Variants in SASH1 observed in about 807,000 individuals in gnomAD.
SASH1 encodes the protein SAM and SH3 domain containing 1.
SASH1 carries 44 observed loss-of-function variants against 125.2 expected under a neutral mutation model. The observed-to-expected ratio is 0.35, with a 90% confidence interval of 0.28 to 0.45. SASH1 has a LOEUF of 0.45. SASH1 is among the 20% of genes least tolerant of loss of function. The probability of loss-of-function intolerance (pLI) is 1.00; values close to 1 mark genes in which losing one functional copy is unlikely to be tolerated. For synonymous variants in SASH1, 639 were observed against 649.1 expected (o/e 0.98, Z 0.24); for missense variants, 1,426 against 1,614.5 (o/e 0.88, Z 2.00).
intron 1 of SASH1, among the ~76,000 whole-genome samples, chr6:148,305,441 G>A (rs987000390): frequency 2.6e-5 from 4 of 152,026 alleles, no homozygotes; most frequent in Non-Finnish European, 5.9e-5. Flanking sequence ...TGGTCAATAC[G>A]GTGAAACCCC....
chr6:148,471,393 T>C lies in SASH1; in HGVS notation c.428-24T>C, dbSNP rs1778106589. ...TTGCTTGTGCTTTTTGTTCTTTTTTTTTTTTTTTTTTTTTTTTTTTAAGGA... is the reference window on the plus strand; with the variant it reads ...TTGCTTGTGCTTTTTGTTCTTTTTTCTTTTTTTTTTTTTTTTTTTTAAGGA... On this transcript the variant is annotated intron_variant, in intron 5 of 19. Coordinates refer to ENST00000367467, the MANE Select transcript of SASH1 (RefSeq NM_015278.5). The C allele has an allele frequency of 5.3e-6, 6 of 1,125,084 alleles. No homozygotes were observed. The East Asian group carries it at 8.4e-5, about 16-fold the overall frequency. The allele number at this position is 1,125,084 out of a possible 1,614,324, so 69.7% of individuals were successfully genotyped here.
chr6:148,526,677 A>G (rs1384305460), intron 11 of SASH1, among the ~76,000 whole-genome samples: 2 of 152,144 alleles, frequency 1.3e-5, no homozygotes, highest in Admixed American at 6.6e-5. Flanking sequence ...GATGACCACA[A>G]TCTAGCTCTT....
At chr6:148,437,256 T>C (rs1193603686) in intron 2 of SASH1, among the ~76,000 whole-genome samples, 1 of 152,246 alleles carries the variant, frequency 6.6e-6, no homozygotes, top group Non-Finnish European at 1.5e-5. Flanking sequence ...TGGATGACTT[T>C]ACAAGCTTCT....
At chr6:148,333,242 A>T (rs1781045006) in intron 1 of SASH1, among the ~76,000 whole-genome samples, 3 of 151,590 alleles carry the variant, frequency 2.0e-5, no homozygotes, top group African/African-American at 7.3e-5. Context: ...GTCTACAAAA[A>T]ATAATAATAA....
At chr6:148,393,981 C>T (rs1045480262) in intron 2 of SASH1, among the ~76,000 whole-genome samples, 4 of 150,384 alleles carry the variant, frequency 2.7e-5, no homozygotes, top group Non-Finnish European at 5.9e-5. Context: ...CAACCTCTGC[C>T]TCCTGGGTTT....
intron 7 of SASH1, among the ~76,000 whole-genome samples, chr6:148,476,494 C>A (rs1778352354): frequency 6.6e-6 from 1 of 152,200 alleles, no homozygotes; most frequent in South Asian, 2.1e-4. Flanking sequence ...CCAACCTGGC[C>A]AACATGGTGA....
chr6:148,208,300 G>A, the SASH1 span, among the ~76,000 whole-genome samples: 860 of 152,258 alleles, frequency 5.6e-3, 9 homozygotes, highest in African/African-American at 0.019. Context: ...AGGACTATTC[G>A]GAAAACATTC....
chr6:148,469,117 TTGGGTCACAGGGTGGG>T (rs1264113292), intron 5 of SASH1: 1 of 152,328 alleles, frequency 6.6e-6, no homozygotes, highest in Admixed American at 6.5e-5. Context: ...GCTATTTTGT[TTGGGTCACAGGGTGGG>T]TGGCTGATAG....
the SASH1 span, among the ~76,000 whole-genome samples, chr6:148,239,555 T>C: frequency 6.6e-6 from 1 of 152,202 alleles, no homozygotes; most frequent in African/African-American, 2.4e-5. Context: ...ACCAGACATG[T>C]TGAATTCTAC....
intron 1 of SASH1, among the ~76,000 whole-genome samples, chr6:148,387,582 T>C (rs199566856): frequency 8.0e-4 from 5 of 6,268 alleles, no homozygotes; most frequent in Non-Finnish European, 1.4e-3. Context: ...CTTTCTTTCT[T>C]TCTTTCTTTC....
chr6:148,488,889 G>A (rs912046268), intron 8 of SASH1, among the ~76,000 whole-genome samples: 4 of 152,160 alleles, frequency 2.6e-5, no homozygotes, highest in African/African-American at 9.7e-5. Flanking sequence ...TATCAGATAT[G>A]TGATTTGTAA....
At chr6:148,276,059 G>A (rs1174055201) in intron 1 of SASH1, among the ~76,000 whole-genome samples, 1 of 152,148 alleles carries the variant, frequency 6.6e-6, no homozygotes, top group Non-Finnish European at 1.5e-5. Flanking sequence ...TATGAGTAGT[G>A]GGAAGAGACT....
chr6:148,345,558 C>T (rs1562337943), intron 1 of SASH1, among the ~76,000 whole-genome samples: 1 of 152,086 alleles, frequency 6.6e-6, no homozygotes, highest in Admixed American at 6.6e-5. Context: ...GCTTACTGCT[C>T]CTTTGTAGAT....
At chr6:148,339,031 G>C (rs538381679), upstream of SASH1, among the ~76,000 whole-genome samples, 222 of 144,140 alleles carry the variant, frequency 1.5e-3, 1 homozygote, top group African/African-American at 5.3e-3. Flanking sequence ...AAAAGAGAGA[G>C]AGAGATAAAA....
chr6:148,366,856 A>C (rs1240160771), intron 1 of SASH1, among the ~76,000 whole-genome samples: 1 of 151,730 alleles, frequency 6.6e-6, no homozygotes, highest in African/African-American at 2.4e-5. Context: ...CTGCCTCCCA[A>C]AGTGCTGGGA....
intron 1 of SASH1, among the ~76,000 whole-genome samples, chr6:148,325,182 C>A (rs777849113): frequency 6.6e-6 from 1 of 151,952 alleles, no homozygotes; most frequent in Non-Finnish European, 1.5e-5. Context: ...ACAATCATTG[C>A]GGAAAGGGAA....
intron 4 of SASH1, among the ~76,000 whole-genome samples, chr6:148,467,987 A>G (rs1014361599): frequency 6.6e-6 from 1 of 152,210 alleles, no homozygotes; most frequent in Non-Finnish European, 1.5e-5. Flanking sequence ...AAGATTCAGC[A>G]GGATGGACAT....
the SASH1 span, among the ~76,000 whole-genome samples, chr6:148,207,737 C>T: frequency 6.6e-6 from 1 of 152,150 alleles, no homozygotes; most frequent in Admixed American, 6.6e-5. Flanking sequence ...TATTTTATTT[C>T]CTGAACATTC....
At chr6:148,260,914 C>T in the SASH1 span, among the ~76,000 whole-genome samples, 1 of 149,700 alleles carries the variant, frequency 6.7e-6, no homozygotes, top group Non-Finnish European at 1.5e-5. Context: ...GAGCGATTCT[C>T]CTGCCTCAGC....
Sources: allele counts gnomAD v4.1 joint callset (sites outside exome capture counted in the v4.1 genomes callset), GRCh38; gene constraint gnomAD v4.1.1; transcripts MANE v1.5; gene names NCBI Gene and HGNC (gene_info 2026-07-23, HGNC 2026-07-21).